The following RBFOX2 variants were observed in gnomAD, a reference collection of about 807,000 sequenced individuals.
RBFOX2 encodes RNA binding fox-1 homolog 2.
A neutral mutation model predicts 49.1 loss-of-function variants in RBFOX2; 10 were observed. The ratio of observed to expected loss-of-function variants is 0.20; its 90% confidence interval spans 0.13 to 0.35. The LOEUF (loss-of-function observed/expected upper bound fraction) is 0.35. RBFOX2 is among the 10% of genes least tolerant of loss of function. The pLI, the probability that RBFOX2 is intolerant of heterozygous loss-of-function variation, is 1.00. For missense variants in RBFOX2, 323 were observed against 486.9 expected (o/e 0.66, Z 3.17); for synonymous variants, 183 against 187.4 (o/e 0.98, Z 0.19).
chr22:36,011,911 A>G (rs1351773467), intron 1 of RBFOX2, among the ~76,000 whole-genome samples: 3 of 152,204 alleles, frequency 2.0e-5, no homozygotes, highest in Non-Finnish European at 4.4e-5. Flanking sequence ...AGCCTGAGAT[A>G]CACTGTCTAT....
At chr22:35,840,623 C>CGTGTGTGTGTGTGTGTGTGTGT (rs1157342118), upstream of RBFOX2, 1 of 1,067,246 alleles carries the variant, frequency 9.4e-7, no homozygotes, top group African/African-American at 1.9e-5. Context: ...CGCGTGTGTG[C>CGTGTGTGTGTGTGTGTGTGTGT]GTGTGTGCGT....
intron 1 of RBFOX2, among the ~76,000 whole-genome samples, chr22:35,826,073 G>A (rs1221403423): frequency 6.7e-5 from 10 of 149,264 alleles, no homozygotes; most frequent in Admixed American, 3.3e-4. Context: ...CGGGTGCAGC[G>A]GCTCACGCCT....
intron 1 of RBFOX2, among the ~76,000 whole-genome samples, chr22:35,919,662 C>T (rs554669412): frequency 6.6e-6 from 1 of 152,260 alleles, no homozygotes; most frequent in South Asian, 2.1e-4. Flanking sequence ...AAGCCACACA[C>T]TTTAAATGGG....
At chr22:36,017,951 G>T (rs569481036) in intron 1 of RBFOX2, among the ~76,000 whole-genome samples, 3 of 152,328 alleles carry the variant, frequency 2.0e-5, no homozygotes, top group Non-Finnish European at 4.4e-5. Flanking sequence ...TGATATCAAT[G>T]AAAAGATCAG....
In RBFOX2 at chr22:35,768,367, A is replaced by AG; in HGVS notation, c.454-19dup. 6.2e-7 allele frequency: 1 copy of AG among 1,600,876 alleles called. No individual in the cohort carries two copies. Among genetic ancestry groups the AG allele is most frequent in the Non-Finnish European group, 8.6e-7 (1 of 1,168,244 alleles). ...CCGAATCCCTGCATGCAGCGGGAGA[A>AG]GGGGGGAAAACATGCACATCGTTAT... is the stretch of plus-strand genomic sequence containing the variant. On this transcript the variant is annotated intron_variant, in intron 4 of 11. Coordinates refer to ENST00000405409, the Ensembl canonical transcript of RBFOX2.
At chr22:35,857,996 G>A (rs545000104) in intron 1 of RBFOX2, among the ~76,000 whole-genome samples, 1 of 152,170 alleles carries the variant, frequency 6.6e-6, no homozygotes, top group Non-Finnish European at 1.5e-5. Context: ...TAGAAATCTA[G>A]AAAGGTTAAA....
At chr22:35,926,750 G>C (rs1194608729) in intron 1 of RBFOX2, among the ~76,000 whole-genome samples, 1 of 152,154 alleles carries the variant, frequency 6.6e-6, no homozygotes, top group East Asian at 1.9e-4. Flanking sequence ...TAGCCCTGAA[G>C]GATTTAGGAG....
At chr22:35,811,306 CTGTTT>C (rs1026440791) in intron 1 of RBFOX2, among the ~76,000 whole-genome samples, 18 of 152,126 alleles carry the variant, frequency 1.2e-4, no homozygotes, top group African/African-American at 4.3e-4. Context: ...CAAAATGTCA[CTGTTT>C]TTAAAGATAA....
At chr22:35,993,940 T>C (rs1241585745) in intron 1 of RBFOX2, 1 of 152,054 alleles carries the variant, frequency 6.6e-6, no homozygotes, top group African/African-American at 2.4e-5. Flanking sequence ...GGAGCCAAGA[T>C]TGCGCCACTG....
intron 1 of RBFOX2, among the ~76,000 whole-genome samples, chr22:35,919,381 T>C (rs2050771457): frequency 6.6e-6 from 1 of 151,958 alleles, no homozygotes; most frequent in South Asian, 2.1e-4. Context: ...CAACTAAAAA[T>C]ACGAAAATTA....
chr22:35,857,655 T>G lies in RBFOX2; in HGVS notation c.-33-47651A>C, dbSNP rs115022887. Among the ~76,000 whole-genome samples the G allele has an allele frequency of 2.5e-3, 382 of 152,222 alleles. 4 individuals are homozygous for G. Among genetic ancestry groups the G allele is most frequent in the African/African-American group, 9.0e-3 (373 of 41,550 alleles). ...AGCCATGGCCATAATGGGGTTGAGA[T>G]TCCTCTCCCACACTGATGCAGTCTG... On this transcript the variant is annotated intron_variant, in intron 1 of 13. Transcript: ENST00000359369.
intron 1 of RBFOX2, among the ~76,000 whole-genome samples, chr22:35,862,412 G>C (rs1195284438): frequency 6.6e-6 from 1 of 151,916 alleles, no homozygotes; most frequent in Non-Finnish European, 1.5e-5. Context: ...ATGGGGGAAA[G>C]GCATCCGTCT....
At chr22:35,967,778 T>C (rs1477808777) in intron 1 of RBFOX2, among the ~76,000 whole-genome samples, 1 of 152,244 alleles carries the variant, frequency 6.6e-6, no homozygotes, top group Non-Finnish European at 1.5e-5. Context: ...TTAGTGCTAC[T>C]GTTTCCAGTA....
chr22:35,901,112 T>C (rs915736143), intron 1 of RBFOX2, among the ~76,000 whole-genome samples: 2 of 152,244 alleles, frequency 1.3e-5, no homozygotes, highest in Non-Finnish European at 2.9e-5. Flanking sequence ...GGCCCTGTTA[T>C]CTTTTTCACA....
At chr22:35,820,938 G>T (rs1409442151) in intron 1 of RBFOX2, among the ~76,000 whole-genome samples, 1 of 152,094 alleles carries the variant, frequency 6.6e-6, no homozygotes, top group Non-Finnish European at 1.5e-5. Flanking sequence ...AGACTGGGGG[G>T]CCTGAGCAAT....
rs569401781 is a variant in RBFOX2 at position 35,802,180 on chromosome 22, T to G, written c.252+7600A>C. Among the ~76,000 whole-genome samples, 4 of 152,194 alleles carry G rather than the reference T, an allele frequency of 2.6e-5. No homozygotes were observed. The South Asian group carries it at 8.3e-4, about 32-fold the overall frequency. ...AGGAACAGAACTTGCCCTTAATCAC[T>G]GTCATTAGAAATATACAACTGGAGA... On this transcript the variant is annotated intron_variant, in intron 2 of 11. Coordinates refer to ENST00000405409, the Ensembl canonical transcript of RBFOX2.
rs150784571 is a variant in RBFOX2, at chr22:35,774,497, T to A, written c.453+3528A>T. Among the ~76,000 whole-genome samples the A allele has an allele frequency of 2.0e-5, 3 of 152,304 alleles. No individual in the cohort carries two copies. In the East Asian group the frequency reaches 5.8e-4, roughly 29 times the overall value. ...TCAAAGAAACTTAGATACAGGTGAT[T>A]CTATGTTTTTATAAAGGATTAGGGA... is the stretch of plus-strand genomic sequence containing the variant. On this transcript the variant is annotated intron_variant, in intron 4 of 11. Transcript: ENST00000405409.
At chr22:35,866,930 C>G (rs1207336753) in intron 1 of RBFOX2, among the ~76,000 whole-genome samples, 3 of 152,136 alleles carry the variant, frequency 2.0e-5, no homozygotes, top group Non-Finnish European at 4.4e-5. Context: ...ATTAGAGAGC[C>G]CTTGGAGCCC....
intron 1 of RBFOX2, among the ~76,000 whole-genome samples, chr22:35,865,406 G>C (rs1023179981): frequency 6.6e-6 from 1 of 152,100 alleles, no homozygotes; most frequent in Non-Finnish European, 1.5e-5. Context: ...TAAACACTGA[G>C]GAGTTCAGGA....
Sources: gnomAD v4.1 joint callset for allele counts (sites outside exome capture counted in the v4.1 genomes callset) on GRCh38, gnomAD v4.1.1 for gene constraint, MANE v1.5 for transcripts, NCBI Gene and HGNC (gene_info 2026-07-23, HGNC 2026-07-21) for gene names.